The following AGBL1 variants were observed in gnomAD, a reference collection of about 807,000 sequenced individuals.
AGBL1 encodes cytosolic carboxypeptidase 4.
Under a neutral mutation model 118.9 loss-of-function variants are expected in AGBL1, and 130 were observed. The ratio of observed to expected loss-of-function variants is 1.09; its 90% CI spans 0.95 to 1.26. AGBL1 has a LOEUF of 1.26. Ranked by LOEUF, AGBL1 falls within the 50% of genes most tolerant of loss-of-function variation. The pLI is 0.00. For synonymous variants in AGBL1, 555 were observed against 478.9 expected (o/e 1.16, Z -2.08); for missense variants, 1,584 against 1,298.1 (o/e 1.22, Z -3.38).
At chr15:86,294,170 C>T (rs1047506838) in intron 16 of AGBL1, among the ~76,000 whole-genome samples, 8 of 151,868 alleles carry the variant, frequency 5.3e-5, no homozygotes, top group African/African-American at 1.5e-4. Flanking sequence ...GGCCAAGCAG[C>T]GTGGATCACC....
At chr15:86,754,226 C>T (rs2077899646) in intron 22 of AGBL1, among the ~76,000 whole-genome samples, 1 of 152,150 alleles carries the variant, frequency 6.6e-6, no homozygotes, top group South Asian at 2.1e-4. Context: ...CGTGCTTACT[C>T]CAAGTTTGTG....
intron 21 of AGBL1, among the ~76,000 whole-genome samples, chr15:86,578,163 G>T (rs1192636816): frequency 1.3e-5 from 2 of 152,214 alleles, no homozygotes; most frequent in Non-Finnish European, 2.9e-5. Context: ...AGCCGTAAGT[G>T]CAGAGCTGCC....
At chr15:86,738,604 C>G (rs891260826) in intron 22 of AGBL1, among the ~76,000 whole-genome samples, 2 of 152,162 alleles carry the variant, frequency 1.3e-5, no homozygotes, top group Non-Finnish European at 2.9e-5. Context: ...TCATCCGTTA[C>G]GCATTATTGT....
chr15:86,419,436 A>G (rs1037597887), intron 18 of AGBL1, among the ~76,000 whole-genome samples: 13 of 152,146 alleles, frequency 8.5e-5, no homozygotes, highest in Non-Finnish European at 1.6e-4. Flanking sequence ...CCCAGATACT[A>G]TGCTTTTCCC....
At chr15:86,258,528 C>T (rs2078933426) in intron 9 of AGBL1, among the ~76,000 whole-genome samples, 1 of 152,102 alleles carries the variant, frequency 6.6e-6, no homozygotes, top group Non-Finnish European at 1.5e-5. Flanking sequence ...GCTCTTTGGT[C>T]CCCCTCCCAA....
chr15:86,401,364 A>G (rs892943877), intron 18 of AGBL1, among the ~76,000 whole-genome samples: 39 of 152,188 alleles, frequency 2.6e-4, no homozygotes, highest in Admixed American at 2.0e-3. Context: ...CCTTCGTTGC[A>G]TGCATAGTTT....
chr15:86,236,951 GC>G (rs57553044), intron 6 of AGBL1, among the ~76,000 whole-genome samples: 25 of 14,780 alleles, frequency 1.7e-3, no homozygotes, highest in South Asian at 4.4e-3. Flanking sequence ...GCGGGGGGGG[GC>G]GGGGGGGCGC....
At chr15:86,881,290 C>A (rs79032035) in intron 22 of AGBL1, among the ~76,000 whole-genome samples, 7,499 of 152,246 alleles carry the variant, frequency 0.049, 233 homozygotes, top group South Asian at 0.094. Flanking sequence ...TTCTTGACAT[C>A]GGAAGAAACC....
At chr15:86,459,221 G>A (rs2082299257) in intron 18 of AGBL1, among the ~76,000 whole-genome samples, 1 of 152,146 alleles carries the variant, frequency 6.6e-6, no homozygotes, top group Non-Finnish European at 1.5e-5. Flanking sequence ...ATTGTTTTCA[G>A]TGTAATATCA....
At chr15:86,221,602 G>A (rs948005386) in intron 5 of AGBL1, among the ~76,000 whole-genome samples, 5 of 152,198 alleles carry the variant, frequency 3.3e-5, no homozygotes, top group Non-Finnish European at 7.4e-5. Context: ...GAGCCTCTTG[G>A]TGACATGCAC....
chr15:86,611,065 G>T (rs1201041671), intron 21 of AGBL1, among the ~76,000 whole-genome samples: 2 of 152,156 alleles, frequency 1.3e-5, no homozygotes, highest in African/African-American at 4.8e-5. Flanking sequence ...TTGAAATTGT[G>T]ACTAAACTAG....
intron 22 of AGBL1, among the ~76,000 whole-genome samples, chr15:86,790,263 C>A (rs1307128201): frequency 6.6e-6 from 1 of 151,882 alleles, no homozygotes; most frequent in Non-Finnish European, 1.5e-5. Context: ...ACATTATCAA[C>A]CTGAGGAAAG....
chr15:86,713,726 C>T (rs1242554168), intron 22 of AGBL1, among the ~76,000 whole-genome samples: 1 of 152,084 alleles, frequency 6.6e-6, no homozygotes, highest in Non-Finnish European at 1.5e-5. Context: ...CATAACTCAC[C>T]AGGACGTGCC....
chr15:86,175,090 T>C (rs1190624298), intron 5 of AGBL1, among the ~76,000 whole-genome samples: 2 of 152,128 alleles, frequency 1.3e-5, no homozygotes, highest in African/African-American at 2.4e-5. Flanking sequence ...TGTTAGTACT[T>C]CCTTATAAGT....
rs549989737 is a variant in AGBL1, at chr15:86,478,971, A to G, written c.2556-43839A>G. Among the ~76,000 whole-genome samples, 3 of 152,338 alleles carry G rather than the reference A, an allele frequency of 2.0e-5. No individual in the cohort carries two copies. The East Asian group carries it at 5.8e-4, about 29-fold the overall frequency. On this transcript the variant is annotated intron_variant, in intron 18 of 22. Coordinates refer to ENST00000614907, the MANE Select transcript of AGBL1 (RefSeq NM_001386094.1). Reference sequence around the variant, plus strand: ...GATCTTTGACAAACCTGACAAAAGCAAGAAATGGGGAAAGGATTCCCTGTT... The same window carrying G: ...GATCTTTGACAAACCTGACAAAAGCGAGAAATGGGGAAAGGATTCCCTGTT...
At chr15:86,494,328 C>T (rs4243100) in intron 18 of AGBL1, among the ~76,000 whole-genome samples, 64,101 of 151,852 alleles carry the variant, frequency 0.42, 14,834 homozygotes, top group East Asian at 0.68. Context: ...CTTATGGTTA[C>T]AGCTAATCTC....
At chr15:86,294,122 A>T (rs1287288104) in intron 16 of AGBL1, among the ~76,000 whole-genome samples, 9 of 151,916 alleles carry the variant, frequency 5.9e-5, no homozygotes, top group African/African-American at 2.2e-4. Context: ...CAGGGGCGGG[A>T]TGTGGTGGCT....
At chr15:86,730,921 G>A (rs558241952) in intron 22 of AGBL1, among the ~76,000 whole-genome samples, 1 of 152,144 alleles carries the variant, frequency 6.6e-6, no homozygotes, top group South Asian at 2.1e-4. Context: ...TCGGCCTCGT[G>A]GGTTCAAGTG....
In AGBL1 at chr15:86,515,262, A is replaced by G. The variant is rs182348812; in HGVS notation, c.2556-7548A>G. On this transcript the variant is annotated intron_variant, in intron 18 of 22. Coordinates refer to ENST00000614907, the MANE Select transcript of AGBL1 (RefSeq NM_001386094.1). ...AAGAGTTGTGGAGAGAGTGATCCTC[A>G]TTACCTTGTGCCTGCTCTTAGTGGA... Among the ~76,000 whole-genome samples, 3 of 152,282 alleles carry G rather than the reference A, an allele frequency of 2.0e-5. No homozygotes were observed. In the East Asian group the frequency reaches 5.8e-4, roughly 29 times the overall value.
Sources: allele counts gnomAD v4.1 joint callset (sites outside exome capture counted in the v4.1 genomes callset), GRCh38; gene constraint gnomAD v4.1.1; transcripts MANE v1.5; gene names NCBI Gene and HGNC (gene_info 2026-07-23, HGNC 2026-07-21).